The following PLCG2 variants were observed in gnomAD, a reference collection of about 807,000 sequenced individuals.
PLCG2 encodes the protein 1-phosphatidylinositol 4,5-bisphosphate phosphodiesterase gamma-2.
Under a neutral mutation model 175.6 loss-of-function variants are expected in PLCG2, and 69 were observed. The ratio of observed to expected loss-of-function variants is 0.39; its 90% CI spans 0.32 to 0.48. PLCG2 has a LOEUF of 0.48. Among genes scored for constraint, PLCG2 ranks in the 20% least tolerant of loss-of-function variants. The pLI is 0.91. For missense variants in PLCG2, 1,798 were observed against 1,650.9 expected (o/e 1.09, Z -1.54); for synonymous variants, 827 against 624.0 (o/e 1.33, Z -4.85).
intron 9 of PLCG2, 87 bp downstream of exon 9, chr16:81,883,428 C>A (rs1475099317): frequency 1.0e-5 from 11 of 1,082,926 alleles, no homozygotes; most frequent in Non-Finnish European, 1.5e-5. Flanking sequence ...CTGTGCTCAC[C>A]TGGTCACCTG....
chr16:81,764,644 T>C (rs1448890293), intron 2 of PLCG2, among the ~76,000 whole-genome samples: 2 of 152,228 alleles, frequency 1.3e-5, no homozygotes, highest in African/African-American at 4.8e-5. Context: ...AGCCTAATTT[T>C]CTCCATCTTT....
chr16:81,812,306 C>T (rs1038486091), intron 2 of PLCG2, among the ~76,000 whole-genome samples: 2 of 152,114 alleles, frequency 1.3e-5, no homozygotes, highest in Non-Finnish European at 2.9e-5. Context: ...GCCTCAGCCT[C>T]CCACAGTGCT....
intron 2 of PLCG2, among the ~76,000 whole-genome samples, chr16:81,844,058 G>A (rs1905977233): frequency 7.0e-6 from 1 of 143,392 alleles, no homozygotes; most frequent in South Asian, 2.3e-4. Context: ...CTCACTACAA[G>A]CTCTGCCTCC....
At chr16:81,788,964 G>C (rs1181701729) in intron 2 of PLCG2, among the ~76,000 whole-genome samples, 1 of 152,192 alleles carries the variant, frequency 6.6e-6, no homozygotes, top group Non-Finnish European at 1.5e-5. Flanking sequence ...CTGGACTGCA[G>C]GTTGTTCCTT....
chr16:81,755,324 G>A (rs1202440913), intron 1 of PLCG2, among the ~76,000 whole-genome samples: 1 of 151,594 alleles, frequency 6.6e-6, no homozygotes, highest in African/African-American at 2.4e-5. Context: ...AGTCTCCCAA[G>A]TAGCTGGGGC....
At chr16:81,877,972 A>AC (rs1907888702) in intron 7 of PLCG2, among the ~76,000 whole-genome samples, 5 of 35,314 alleles carry the variant, frequency 1.4e-4, no homozygotes, top group Admixed American at 3.2e-4. Flanking sequence ...TTTTTTTTTT[A>AC]ATTTTTTTTT....
At chr16:81,787,512 G>C (rs1000070525) in intron 2 of PLCG2, among the ~76,000 whole-genome samples, 8 of 142,262 alleles carry the variant, frequency 5.6e-5, no homozygotes, top group Non-Finnish European at 1.5e-5. Context: ...ACAGGCATGA[G>C]CCACCTCACC....
At chr16:81,928,500 G>T in intron 23 of PLCG2, 58 bp from the exon 24 acceptor site, 2 of 1,135,068 alleles carry the variant, frequency 1.8e-6, no homozygotes, top group Non-Finnish European at 2.7e-6. Context: ...TTGGAAACGG[G>T]TTTTCTTTTT....
intron 2 of PLCG2, among the ~76,000 whole-genome samples, chr16:81,843,021 C>G (rs138733190): frequency 7.5e-6 from 1 of 134,170 alleles, no homozygotes; most frequent in Non-Finnish European, 1.6e-5. Context: ...TGGGAAGACC[C>G]GAGGTGATGC....
intron 2 of PLCG2, among the ~76,000 whole-genome samples, chr16:81,809,972 C>G (rs200481178): frequency 6.6e-6 from 1 of 152,004 alleles, no homozygotes; most frequent in Admixed American, 6.6e-5. Context: ...CAGTCTTTGT[C>G]TGCCACCATG....
chr16:81,763,883 C>T (rs1012135093), intron 2 of PLCG2, among the ~76,000 whole-genome samples: 8 of 152,104 alleles, frequency 5.3e-5, no homozygotes, highest in African/African-American at 1.9e-4. Flanking sequence ...ATGAGAGTCG[C>T]TTGAACCCAG....
At chr16:81,783,107 G>A (rs765114037) in intron 1 of PLCG2, 13 of 483,664 alleles carry the variant, frequency 2.7e-5, no homozygotes, top group South Asian at 1.8e-4. Flanking sequence ...GAGGAGCCTG[G>A]TCCCTTGTCC....
intron 17 of PLCG2, among the ~76,000 whole-genome samples, chr16:81,910,136 G>C (rs1909554829): frequency 6.6e-6 from 1 of 152,162 alleles, no homozygotes; most frequent in African/African-American, 2.4e-5. Flanking sequence ...TGTCGCCCAG[G>C]CTGGAGTGCA....
intron 17 of PLCG2, among the ~76,000 whole-genome samples, chr16:81,908,845 C>T (rs1045006630): frequency 6.6e-6 from 1 of 152,146 alleles, no homozygotes; most frequent in African/African-American, 2.4e-5. Flanking sequence ...CTGTGATGAA[C>T]AAAATATGAA....
At chr16:81,777,075 T>C (rs1438422792), upstream of PLCG2, among the ~76,000 whole-genome samples, 1 of 152,044 alleles carries the variant, frequency 6.6e-6, no homozygotes, top group African/African-American at 2.4e-5. Flanking sequence ...TCACACACAG[T>C]GGACATTTTA....
chr16:81,929,107 C>T (rs1196804709), intron 24 of PLCG2, among the ~76,000 whole-genome samples: 9 of 152,240 alleles, frequency 5.9e-5, no homozygotes, highest in African/African-American at 2.2e-4. Context: ...AGCCCGCCCA[C>T]GTTGACCATG....
At chr16:81,894,005 T>C (rs1416785532) in intron 12 of PLCG2, among the ~76,000 whole-genome samples, 1 of 150,172 alleles carries the variant, frequency 6.7e-6, no homozygotes, top group Non-Finnish European at 1.5e-5. Flanking sequence ...CATCTGTATC[T>C]CCTCAGCTTC....
chr16:81,955,334 G>A (rs1187689426), intron 31 of PLCG2, among the ~76,000 whole-genome samples: 1 of 152,190 alleles, frequency 6.6e-6, no homozygotes, highest in East Asian at 1.9e-4. Context: ...CTCAACAGAT[G>A]TTTTTGTAGC....
intron 15 of PLCG2, among the ~76,000 whole-genome samples, chr16:81,907,082 G>T (rs1909405705): frequency 6.7e-6 from 1 of 148,678 alleles, no homozygotes; most frequent in Admixed American, 6.7e-5. Context: ...CATGGCACAT[G>T]TATACATATG....
Sources: allele counts gnomAD v4.1 joint callset (sites outside exome capture counted in the v4.1 genomes callset), GRCh38; gene constraint gnomAD v4.1.1; transcripts MANE v1.5; gene names NCBI Gene and HGNC (gene_info 2026-07-23, HGNC 2026-07-21).